Variants in MID1 observed in about 807,000 individuals in gnomAD.
The protein encoded by MID1 is midline 1.
A neutral mutation model predicts 40.4 loss-of-function variants in MID1; 7 were observed. The observed-to-expected ratio is 0.17, with a 90% CI of 0.10 to 0.33. The LOEUF (loss-of-function observed/expected upper bound fraction) is 0.33, where lower values mean the gene tolerates loss of function less well. MID1 is among the 10% of genes least tolerant of loss of function. The pLI is 1.00. For synonymous variants in MID1, 229 were observed against 221.2 expected (o/e 1.04, Z -0.31); for missense variants, 367 against 558.5 (o/e 0.66, Z 3.46).
chrX:10,510,002 T>C (rs1000052243), intron 3 of MID1, among the ~76,000 whole-genome samples: 1 of 112,373 alleles, frequency 8.9e-6, no homozygotes, highest in Non-Finnish European at 1.9e-5. Flanking sequence ...ATTCACTATG[T>C]AGTTTCCCTT....
chrX:10,747,971 TTTC>T (rs201199253), intron 1 of MID1, among the ~76,000 whole-genome samples: 1 of 111,782 alleles, frequency 8.9e-6, no homozygotes, highest in African/African-American at 3.2e-5. Context: ...TCTTTCTTTC[TTTC>T]TTTTTTTTTT....
intron 1 of MID1, among the ~76,000 whole-genome samples, chrX:10,721,483 T>G (rs2147096843): frequency 9.0e-6 from 1 of 110,833 alleles, no homozygotes; most frequent in South Asian, 3.8e-4. Context: ...AAGTGTAATT[T>G]TGTGGGTTTC....
chrX:10,600,369 CCTT>C (rs1323047706), intron 1 of MID1, among the ~76,000 whole-genome samples: 4 of 110,535 alleles, frequency 3.6e-5, no homozygotes, highest in Non-Finnish European at 7.6e-5. Context: ...TTTGAATTCT[CCTT>C]ATGTTCCTAT....
At chrX:10,637,316 A>AT (rs369003728) in intron 1 of MID1, among the ~76,000 whole-genome samples, 4,359 of 104,166 alleles carry the variant, frequency 0.042, 141 homozygotes, top group African/African-American at 0.11. Flanking sequence ...TGCTTTATGT[A>AT]TTTTTTTTTT....
Position 10,597,866 on chromosome X carries a change from G to A in MID1, c.-57+22424C>T, listed in dbSNP as rs866825581. On this transcript the variant is annotated intron_variant, in intron 1 of 9. Transcript: ENST00000317552. ...GTTCCAAGCAGCAGATTTTTGGAGA[G>A]TTAATGTTTTGTGATAACCCCATGG... 5.4e-5 allele frequency among the ~76,000 whole-genome samples: 6 copies of A among 111,487 alleles called. No individual in the cohort carries two copies. The Middle Eastern group carries it at 0.019, about 344-fold the overall frequency.
intron 1 of MID1, among the ~76,000 whole-genome samples, chrX:10,696,541 C>T (rs2043164932): frequency 8.9e-6 from 1 of 111,937 alleles, no homozygotes; most frequent in South Asian, 3.8e-4. Context: ...CAGTCTCTCA[C>T]ACTGCAGTTA....
intron 1 of MID1, among the ~76,000 whole-genome samples, chrX:10,796,736 G>A (rs1020002102): frequency 9.1e-5 from 10 of 110,315 alleles, no homozygotes; most frequent in Non-Finnish European, 1.7e-4. Flanking sequence ...AGTGTGGAGG[G>A]TGGAGTGTGT....
chrX:10,644,163 TA>T (rs922903543), intron 1 of MID1, among the ~76,000 whole-genome samples: 1 of 111,522 alleles, frequency 9.0e-6, no homozygotes, highest in Non-Finnish European at 1.9e-5. Flanking sequence ...ATAAAAATAA[TA>T]AAAAAACAGT....
At chrX:10,800,098 GC>G (rs1335632608) in intron 1 of MID1, among the ~76,000 whole-genome samples, 1 of 111,284 alleles carries the variant, frequency 9.0e-6, no homozygotes, top group Non-Finnish European at 1.9e-5. Flanking sequence ...TAAGTAACTT[GC>G]TTCTAACTTA....
chrX:10,665,480 G>A (rs1159602549), intron 1 of MID1, among the ~76,000 whole-genome samples: 1 of 109,853 alleles, frequency 9.1e-6, no homozygotes, highest in East Asian at 2.9e-4. Flanking sequence ...TTGAGGCTTC[G>A]AGGCTGCAAA....
intron 1 of MID1, among the ~76,000 whole-genome samples, chrX:10,781,589 G>A (rs1237123844): frequency 8.9e-6 from 1 of 111,787 alleles, no homozygotes; most frequent in Non-Finnish European, 1.9e-5. Flanking sequence ...CAAGTTCAAA[G>A]GTAATTTCAA....
intron 2 of MID1, among the ~76,000 whole-genome samples, chrX:10,545,159 C>T (rs904340777): frequency 9.0e-5 from 10 of 110,762 alleles, no homozygotes; most frequent in Non-Finnish European, 1.9e-5. Context: ...ACGAGGTTTC[C>T]CCACGTTGAC....
At chrX:10,665,090 G>A (rs1046858223) in intron 1 of MID1, among the ~76,000 whole-genome samples, 5 of 111,952 alleles carry the variant, frequency 4.5e-5, no homozygotes, top group African/African-American at 1.6e-4. Flanking sequence ...TCTTCCATCT[G>A]TAGCCCCTGA....
At chrX:10,593,171 T>A (rs143929194) in intron 1 of MID1, among the ~76,000 whole-genome samples, 2,215 of 112,373 alleles carry the variant, frequency 0.02, 52 homozygotes, top group African/African-American at 0.068. Flanking sequence ...TTTTTGTGCA[T>A]TTACATGCTA....
intron 2 of MID1, among the ~76,000 whole-genome samples, chrX:10,552,900 A>T (rs367762809): frequency 8.0e-5 from 9 of 111,937 alleles, no homozygotes; most frequent in Middle Eastern, 9.3e-3. Context: ...AGTTCGCACA[A>T]TTCTAAAATG....
intron 1 of MID1, among the ~76,000 whole-genome samples, chrX:10,642,145 C>T (rs1240645676): frequency 6.3e-5 from 7 of 111,649 alleles, no homozygotes; most frequent in East Asian, 2.8e-4. Flanking sequence ...CTATTCAACA[C>T]AGTGTTGGAA....
chrX:10,581,575 C>T (rs1241816175), intron 1 of MID1, among the ~76,000 whole-genome samples: 5 of 111,698 alleles, frequency 4.5e-5, no homozygotes, highest in Non-Finnish European at 7.5e-5. Context: ...TGTCCTGAAT[C>T]GCCTCTTCCC....
intron 1 of MID1, among the ~76,000 whole-genome samples, chrX:10,810,294 A>G (rs2044088201): frequency 8.9e-6 from 1 of 112,289 alleles, no homozygotes; most frequent in Non-Finnish European, 1.9e-5. Context: ...GGCTTCTTTC[A>G]CTTAGCATAA....
chrX:10,641,717 A>G (rs1255446639), intron 1 of MID1, among the ~76,000 whole-genome samples: 2 of 112,044 alleles, frequency 1.8e-5, no homozygotes, highest in Non-Finnish European at 3.8e-5. Flanking sequence ...CAACAAAAAA[A>G]GAGAATTTTA....
Sources: allele counts gnomAD v4.1 joint callset (sites outside exome capture counted in the v4.1 genomes callset), GRCh38; gene constraint gnomAD v4.1.1; transcripts MANE v1.5; gene names NCBI Gene and HGNC (gene_info 2026-07-23, HGNC 2026-07-21).